The following EPM2A variants were observed in gnomAD, a reference collection of about 807,000 sequenced individuals.
The protein encoded by EPM2A is EPM2A glucan phosphatase, laforin.
Under a neutral mutation model 26.5 loss-of-function variants are expected in EPM2A, and 21 were observed. That is an observed-to-expected ratio of 0.79 (90% CI 0.56 to 1.14). The LOEUF (loss-of-function observed/expected upper bound fraction) is 1.14, where lower values mean the gene tolerates loss of function less well. Ranked by LOEUF, EPM2A falls within the 50% of genes most tolerant of loss-of-function variation. EPM2A has a pLI of 0.00. For synonymous variants in EPM2A, 217 were observed against 177.6 expected (o/e 1.22, Z -1.76); for missense variants, 458 against 440.8 (o/e 1.04, Z -0.35).
At chr6:145,440,224 GA>G (rs1356466307) in intron 4 of EPM2A, among the ~76,000 whole-genome samples, 2 of 152,310 alleles carry the variant, frequency 1.3e-5, no homozygotes, top group African/African-American at 4.8e-5. Context: ...GACAGGAGAA[GA>G]GAGAGAGCCA....
At chr6:145,627,807 T>C in intron 3 of EPM2A, 114 bp from the exon 4 acceptor site, 1 of 1,441,028 alleles carries the variant, frequency 6.9e-7, no homozygotes. Context: ...CAGGCAGGGA[T>C]ACGAGAGTTT....
intron 2 of EPM2A, among the ~76,000 whole-genome samples, chr6:145,583,848 G>A (rs1379709307): frequency 6.6e-6 from 1 of 152,256 alleles, no homozygotes; most frequent in African/African-American, 2.4e-5. Context: ...GCACAGCAGG[G>A]GTGGGACATT....
chr6:145,642,010 AAG>A (rs1777120917), intron 2 of EPM2A, among the ~76,000 whole-genome samples: 2 of 152,174 alleles, frequency 1.3e-5, no homozygotes, highest in Admixed American at 1.3e-4. Flanking sequence ...GACTGAGTCC[AAG>A]AGAGTTTGGC....
chr6:145,677,834 G>A (rs576634630), intron 2 of EPM2A, among the ~76,000 whole-genome samples: 3 of 152,262 alleles, frequency 2.0e-5, no homozygotes, highest in Admixed American at 6.5e-5. Context: ...AATCAATATC[G>A]TGAAAATGGC....
chr6:145,663,267 G>A (rs572481045), intron 2 of EPM2A, among the ~76,000 whole-genome samples: 37 of 152,282 alleles, frequency 2.4e-4, no homozygotes, highest in African/African-American at 7.7e-4. Context: ...TAAGATGGCC[G>A]AATAGGAACA....
chr6:145,682,731 AT>A (rs1439565678), intron 2 of EPM2A: 1 of 152,106 alleles, frequency 6.6e-6, no homozygotes, highest in Non-Finnish European at 1.5e-5. Context: ...ATAACATTTA[AT>A]TTTTAGATAT....
In EPM2A at chr6:145,448,230, A is replaced by T. The variant is rs538114151; in HGVS notation, c.555+54292T>A. Among the ~76,000 whole-genome samples, 15 of 152,278 alleles carry T rather than the reference A, an allele frequency of 9.9e-5. No homozygotes were observed. In the South Asian group the frequency reaches 2.9e-3, roughly 29 times the overall value. ...TAAAAATGTGTAAAATGGTTAAGCCATCCAAATGAAGTATTCCTTCATTTG... is the reference window on the plus strand; with the variant it reads ...TAAAAATGTGTAAAATGGTTAAGCCTTCCAAATGAAGTATTCCTTCATTTG... On this transcript the variant is annotated intron_variant, in intron 4 of 4. Transcript: ENST00000638717.
At chr6:145,622,725 G>A (rs961155687), downstream of EPM2A, among the ~76,000 whole-genome samples, 3 of 152,132 alleles carry the variant, frequency 2.0e-5, no homozygotes, top group East Asian at 3.9e-4. Context: ...ATTCTCCCTC[G>A]CAGCCCTCAG....
chr6:145,735,452 G>C lies in EPM2A; in HGVS notation c.47C>G (p.Ala16Gly), dbSNP rs1209247378. 8.1e-7 allele frequency: 1 copy of C among 1,241,554 alleles called. No homozygotes were observed. The highest frequency in any genetic ancestry group is 3.5e-5 in the Admixed American group (1 of 28,952). The allele number at this position is 1,241,554 out of a possible 1,614,324, so 76.9% of individuals were successfully genotyped here. Residue 16 changes from alanine to glycine, a missense_variant, in exon 1 of 4, where the codon GCC becomes GGC. Transcript: ENST00000367519. ...CCCCACCACCAGCAGCTCCGGCCGG[G>C]CGCCGGCCACGGCGGGTGGCACCAC... is the stretch of plus-strand genomic sequence containing the variant. Reference protein sequence around the residue: ...GVVVPPAVAGARPELLVVGSR... With the variant: ...GVVVPPAVAGGRPELLVVGSR...
At chr6:145,533,541 T>C (rs541843018) in intron 2 of EPM2A, among the ~76,000 whole-genome samples, 1 of 152,142 alleles carries the variant, frequency 6.6e-6, no homozygotes, top group Non-Finnish European at 1.5e-5. Flanking sequence ...TCTGCCTCCA[T>C]CCCCTACCCC....
At chr6:145,656,831 T>C (rs1353137904) in intron 2 of EPM2A, among the ~76,000 whole-genome samples, 1 of 152,212 alleles carries the variant, frequency 6.6e-6, no homozygotes, top group Non-Finnish European at 1.5e-5. Context: ...TTTACAAGAC[T>C]CTTTTAAATT....
At chr6:145,499,431 T>C (rs545105615), downstream of EPM2A, among the ~76,000 whole-genome samples, 8 of 152,354 alleles carry the variant, frequency 5.3e-5, no homozygotes, top group South Asian at 1.7e-3. Context: ...CATACTCTCA[T>C]ACTTCTTATA....
chr6:145,590,445 A>T (rs570385616), intron 2 of EPM2A, among the ~76,000 whole-genome samples: 1 of 131,144 alleles, frequency 7.6e-6, no homozygotes, highest in African/African-American at 2.7e-5. Context: ...TGAAAAATAA[A>T]AAAAAAGAAA....
intron 4 of EPM2A, among the ~76,000 whole-genome samples, chr6:145,388,582 G>A (rs558101851): frequency 1.3e-5 from 2 of 152,210 alleles, no homozygotes; most frequent in East Asian, 3.9e-4. Flanking sequence ...TGTTACACAG[G>A]TATACATGTG....
chr6:145,468,433 T>A (rs752214707), intron 4 of EPM2A, among the ~76,000 whole-genome samples: 5 of 152,142 alleles, frequency 3.3e-5, no homozygotes. Context: ...GGCATAAACT[T>A]TGACTATATT....
intron 1 of EPM2A, among the ~76,000 whole-genome samples, chr6:145,718,968 A>G (rs1352404373): frequency 2.6e-5 from 4 of 152,238 alleles, no homozygotes; most frequent in African/African-American, 9.6e-5. Flanking sequence ...AAAAGTCAGG[A>G]AACAACAGAT....
intron 4 of EPM2A, among the ~76,000 whole-genome samples, chr6:145,486,638 T>C (rs911065980): frequency 6.6e-6 from 1 of 152,132 alleles, no homozygotes; most frequent in African/African-American, 2.4e-5. Context: ...TTATTGTGGT[T>C]CAGTGTGCTA....
rs75302746 is a variant in EPM2A at position 145,484,106 on chromosome 6, C to T, written c.555+18416G>A. ...TCAGAAACCACCAGAGTATCATGTC[C>T]CTGATCAGAAACAGCTGAAAATTCT... On this transcript the variant is annotated intron_variant, in intron 4 of 4. Transcript: ENST00000638717. 6.8e-3 allele frequency among the ~76,000 whole-genome samples: 1,034 copies of T among 152,112 alleles called. 6 individuals carry two copies. The highest frequency in any genetic ancestry group is 0.024 in the African/African-American group (999 of 41,508).
intron 4 of EPM2A, among the ~76,000 whole-genome samples, chr6:145,438,426 G>A (rs1320185147): frequency 6.6e-6 from 1 of 150,888 alleles, no homozygotes; most frequent in Non-Finnish European, 1.5e-5. Flanking sequence ...TTCACACAAA[G>A]AGTTTAGGTA....
Sources: gnomAD v4.1 joint callset for allele counts (sites outside exome capture counted in the v4.1 genomes callset) on GRCh38, gnomAD v4.1.1 for gene constraint, MANE v1.5 for transcripts, NCBI Gene and HGNC (gene_info 2026-07-23, HGNC 2026-07-21) for gene names.